NELL2: variants seen among roughly 807,000 people sequenced by gnomAD.
NELL2 encodes the protein protein kinase C-binding protein NELL2.
In NELL2, 41 loss-of-function variants were observed where a neutral mutation model predicts 109.6. The observed-to-expected ratio is 0.37, with a 90% CI of 0.29 to 0.49. NELL2 has a LOEUF of 0.49. NELL2 is among the 20% of genes least tolerant of loss of function. The probability of loss-of-function intolerance (pLI) is 0.98; values close to 1 mark genes in which losing one functional copy is unlikely to be tolerated. For missense variants in NELL2, 900 were observed against 1,008.3 expected, an observed-to-expected ratio of 0.89 and a Z score of 1.45; for synonymous variants, 355 against 344.7, an observed-to-expected ratio of 1.03 and a Z score of -0.33.
intron 9 of NELL2, among the ~76,000 whole-genome samples, chr12:44,719,682 T>C (rs896596793): frequency 6.6e-5 from 10 of 152,168 alleles, no homozygotes; most frequent in South Asian, 2.1e-4. Context: ...GATCTTTGGA[T>C]TGACAGTCTG....
At chr12:44,847,842 GC>G (rs1944417556) in intron 2 of NELL2, among the ~76,000 whole-genome samples, 2 of 151,798 alleles carry the variant, frequency 1.3e-5, no homozygotes, top group Admixed American at 1.3e-4. Context: ...GACCATCCTG[GC>G]CAACATGGCA....
At chr12:44,660,367 C>T (rs1947695806) in intron 13 of NELL2, among the ~76,000 whole-genome samples, 1 of 152,134 alleles carries the variant, frequency 6.6e-6, no homozygotes, top group Non-Finnish European at 1.5e-5. Context: ...GAAGATTAAT[C>T]ACTCATCTGA....
intron 11 of NELL2, among the ~76,000 whole-genome samples, chr12:44,706,095 A>C (rs1230450237): frequency 6.6e-6 from 1 of 152,168 alleles, no homozygotes; most frequent in Non-Finnish European, 1.5e-5. Flanking sequence ...TGCTGCAAGA[A>C]TTTTCTCACT....
chr12:44,918,276 A>C (rs923874399), upstream of NELL2, among the ~76,000 whole-genome samples: 4 of 152,192 alleles, frequency 2.6e-5, no homozygotes, highest in African/African-American at 4.8e-5. Context: ...TTTAGGGAAA[A>C]GAAAAAAAGA....
At chr12:44,790,766 A>C (rs974783409) in intron 3 of NELL2, among the ~76,000 whole-genome samples, 10 of 151,936 alleles carry the variant, frequency 6.6e-5, no homozygotes, top group African/African-American at 2.4e-4. Flanking sequence ...TGCCTTCAGG[A>C]GACTCATCTA....
intron 15 of NELL2, among the ~76,000 whole-genome samples, chr12:44,595,972 T>C (rs769164343): frequency 6.6e-5 from 10 of 152,158 alleles, no homozygotes; most frequent in Non-Finnish European, 1.0e-4. Context: ...ACTATTGGGA[T>C]TATAGCTCTA....
intron 15 of NELL2, among the ~76,000 whole-genome samples, chr12:44,581,966 A>G (rs1944341258): frequency 6.6e-6 from 1 of 152,228 alleles, no homozygotes; most frequent in African/African-American, 2.4e-5. Context: ...ACACAATAGA[A>G]TGCCAGGCAT....
intron 2 of NELL2, among the ~76,000 whole-genome samples, chr12:44,856,804 C>A (rs1301186015): frequency 6.6e-6 from 1 of 152,058 alleles, no homozygotes; most frequent in Non-Finnish European, 1.5e-5. Context: ...AAACGAAGAA[C>A]CCCTGAAAGC....
intron 15 of NELL2, among the ~76,000 whole-genome samples, chr12:44,542,353 C>A (rs141092942): frequency 6.7e-6 from 1 of 148,522 alleles, no homozygotes. Context: ...CCCTGGGGAT[C>A]TACCCTCAGA....
rs1045732013 is a variant in NELL2, at chr12:44,530,187, A to G, written c.1804+2394T>C. On this transcript the variant is annotated intron_variant, in intron 16 of 19. Coordinates refer to ENST00000429094, the MANE Select transcript of NELL2 (RefSeq NM_001145108.2). ...CAGGTATATAGAAATAAATGAGCAG[A>G]TATATAGAAATAAATAAATAGGCGA... 6.6e-5 allele frequency among the ~76,000 whole-genome samples: 10 copies of G among 152,200 alleles called. No homozygotes were observed. The East Asian group carries it at 1.7e-3, about 26-fold the overall frequency.
At chr12:44,899,663 CA>C (rs1434031400) in intron 1 of NELL2, among the ~76,000 whole-genome samples, 1 of 152,096 alleles carries the variant, frequency 6.6e-6, no homozygotes, top group Non-Finnish European at 1.5e-5. Context: ...AGAAACATAG[CA>C]AAATGTAAAG....
chr12:44,912,453 A>G (rs1325147850), intron 1 of NELL2, among the ~76,000 whole-genome samples: 1 of 152,120 alleles, frequency 6.6e-6, no homozygotes, highest in Non-Finnish European at 1.5e-5. Context: ...CACACTGAAA[A>G]TCTCAAAAAG....
At chr12:44,876,941 G>A, upstream of NELL2, 2 of 1,201,312 alleles carry the variant, frequency 1.7e-6, no homozygotes, top group Non-Finnish European at 2.1e-6. Flanking sequence ...GAGCTTCCCC[G>A]GCGCGGAGAG....
At chr12:44,634,703 C>T (rs1374452062) in intron 13 of NELL2, among the ~76,000 whole-genome samples, 1 of 152,120 alleles carries the variant, frequency 6.6e-6, no homozygotes, top group Non-Finnish European at 1.5e-5. Context: ...TGGGATTTCT[C>T]AGTCAAATAG....
intron 13 of NELL2, among the ~76,000 whole-genome samples, chr12:44,661,742 A>C (rs1947750567): frequency 6.6e-6 from 1 of 152,216 alleles, no homozygotes; most frequent in African/African-American, 2.4e-5. Context: ...TTTGTTATGC[A>C]TAAACAAAAT....
rs115794625 is a variant in NELL2 at position 44,820,995 on chromosome 12, G to A, written c.185-4859C>T. ...GAGGAGGATGGAGGGATGGACCACA[G>A]AAACACTAAGTCAGTAGCACAGCAG... On this transcript the variant is annotated intron_variant, in intron 2 of 19. Transcript: ENST00000429094. 1.5e-3 allele frequency among the ~76,000 whole-genome samples: 227 copies of A among 151,528 alleles called. 1 individual carries two copies. The highest frequency in any genetic ancestry group is 5.2e-3 in the African/African-American group (214 of 41,298).
intron 9 of NELL2, among the ~76,000 whole-genome samples, chr12:44,770,259 C>G (rs1941495505): frequency 1.3e-5 from 2 of 152,088 alleles, no homozygotes; most frequent in African/African-American, 4.8e-5. Context: ...TTAATAAAAA[C>G]AGTAATAACA....
At position 44,762,502 on chromosome 12, in the gene NELL2, C is replaced by T. The variant is rs144494488; in HGVS notation, c.994+12245G>A. The stretch of plus-strand genomic sequence containing the variant: ...TTCCCTGTATAACTTCAAAAACAGA[C>T]CTGTCTTGCCTAAAATGTGTAACCA... On this transcript the variant is annotated intron_variant, in intron 9 of 19. Transcript: ENST00000429094. 1.2e-4 allele frequency among the ~76,000 whole-genome samples: 19 copies of T among 152,302 alleles called. No individual in the cohort carries two copies. The East Asian group carries it at 3.7e-3, about 29-fold the overall frequency.
At chr12:44,703,581 ATT>A in intron 12 of NELL2, 143 bp downstream of exon 12, 1 of 811,092 alleles carries the variant, frequency 1.2e-6, no homozygotes, top group Non-Finnish European at 2.0e-6. Flanking sequence ...AAAGATAATT[ATT>A]TTTAGCTGAT....
Sources: gnomAD v4.1 joint callset for allele counts (sites outside exome capture counted in the v4.1 genomes callset) on GRCh38, gnomAD v4.1.1 for gene constraint, MANE v1.5 for transcripts, NCBI Gene and HGNC (gene_info 2026-07-23, HGNC 2026-07-21) for gene names.